Variants in BEND4 observed in about 807,000 individuals in gnomAD.
BEND4 encodes BEN domain containing 4.
Under a neutral mutation model 54.7 loss-of-function variants are expected in BEND4, and 27 were observed. That is an observed-to-expected ratio of 0.49 (90% confidence interval 0.36 to 0.68). BEND4 has a LOEUF of 0.68. Among genes scored for constraint, BEND4 ranks in the 30% least tolerant of loss-of-function variants. BEND4 has a pLI of 0.00. For synonymous variants in BEND4, 327 were observed against 299.5 expected (o/e 1.09, Z -0.95); for missense variants, 702 against 697.2 (o/e 1.01, Z -0.08).
chr4:42,133,159 T>A (rs904529598), intron 3 of BEND4, among the ~76,000 whole-genome samples: 3 of 152,228 alleles, frequency 2.0e-5, no homozygotes, highest in African/African-American at 7.2e-5. Flanking sequence ...TGGTTGTCTA[T>A]GAATTATCCA....
At position 42,121,345 on chromosome 4, in the gene BEND4, C is replaced by T. The variant is rs560864296; in HGVS notation, c.1147-1051G>A. Among the ~76,000 whole-genome samples, 18 of 152,222 alleles carry T rather than the reference C, an allele frequency of 1.2e-4. No homozygotes were observed. In the South Asian group the frequency reaches 3.3e-3, roughly 28 times the overall value. Reference sequence around the variant, plus strand: ...GCTAGGAAACCGGCACGGAGTTCTGCGCGTGGAGACTCATCACGGCAGCAT... The same window carrying T: ...GCTAGGAAACCGGCACGGAGTTCTGTGCGTGGAGACTCATCACGGCAGCAT... On this transcript the variant is annotated intron_variant, in intron 4 of 5. Transcript: ENST00000502486.
intron 2 of BEND4, among the ~76,000 whole-genome samples, chr4:42,149,516 CCTCT>C (rs1400078762): frequency 1.3e-5 from 2 of 152,134 alleles, no homozygotes; most frequent in Non-Finnish European, 2.9e-5. Context: ...CAAGCTTACC[CCTCT>C]CTATGACCTC....
Position 42,143,754 on chromosome 4 carries a change from G to A in BEND4, c.728C>T (p.Ser243Phe), listed in dbSNP as rs933981148. 1 of 1,613,970 alleles carries A rather than the reference G, an allele frequency of 6.2e-7. No homozygotes were observed. The highest frequency in any genetic ancestry group is 8.5e-7 in the Non-Finnish European group (1 of 1,179,852). ...GTCAGTGAAAACCCTCAAAAAGGCA[G>A]AAGTTTGTTGTTTCCTTTGCATATA... ...MQYMQRKQQT[S>F]AFLRVFTDSL... Residue 243 changes from serine to phenylalanine, a missense_variant, in exon 3 of 6, where the codon TCT (serine) becomes TTT (phenylalanine). Coordinates refer to ENST00000502486, the MANE Select transcript of BEND4 (RefSeq NM_207406.4).
rs575289088 is a variant in BEND4 at position 42,151,503 on chromosome 4, G to A, written c.487+154C>T. The stretch of plus-strand genomic sequence containing the variant: ...GGCGGCGCTGGAGAATCCTCTCGAA[G>A]TTTCCGGGTGCGCGGGGAGGCCCCA... On this transcript the variant is annotated intron_variant, in intron 2 of 5. Transcript: ENST00000502486. The A allele has an allele frequency of 5.9e-3, 4,574 of 772,144 alleles. 20 individuals carry two copies. Among genetic ancestry groups the A allele is most frequent in the Non-Finnish European group, 7.6e-3 (4,176 of 551,338 alleles). The allele number at this position is 772,144 out of a possible 1,614,324, so 47.8% of individuals were successfully genotyped here. A position where few individuals can be genotyped will look rare whatever the true frequency, so the allele number is the denominator to read the frequency against.
At chr4:42,131,089 GCAT>G (rs1312118377) in intron 3 of BEND4, among the ~76,000 whole-genome samples, 1 of 152,200 alleles carries the variant, frequency 6.6e-6, no homozygotes, top group Non-Finnish European at 1.5e-5. Context: ...GTGGGTGAGA[GCAT>G]CAGGGAAAAC....
chr4:42,112,380 G>C lies in BEND4; in HGVS notation c.*5138C>G, dbSNP rs1250949385. On this transcript the variant is annotated 3_prime_UTR_variant, in exon 6 of 6. Coordinates refer to ENST00000502486, the MANE Select transcript of BEND4 (RefSeq NM_207406.4). ...TAGTTACTACTGTTGTTGCAGTTAA[G>C]TGGTTCTGAACGGGCCCAAATAGTT... is the stretch of plus-strand genomic sequence containing the variant. 6 of 152,206 alleles carry C rather than the reference G, an allele frequency of 3.9e-5. No individual in the cohort carries two copies. The highest frequency in any genetic ancestry group is 5.9e-5 in the Non-Finnish European group (4 of 68,044). 9.4% of individuals were successfully genotyped at this position (152,206 alleles called of 1,614,324 possible).
At position 42,113,847 on chromosome 4, in the gene BEND4, G is replaced by A. The variant is rs1480141380; in HGVS notation, c.*3671C>T. On this transcript the variant is annotated 3_prime_UTR_variant, in exon 6 of 6. Transcript: ENST00000502486. ...ATATGTCTCGAATCCCCTACAAAAG[G>A]AGATAACAATTTTCTGCAAATGCTC... The A allele has an allele frequency of 6.6e-6, 1 of 152,140 alleles. No individual in the cohort carries two copies. The highest frequency in any genetic ancestry group is 1.5e-5 in the Non-Finnish European group (1 of 68,038). The allele number at this position is 152,140 out of a possible 1,614,324, so 9.4% of individuals were successfully genotyped here.
At chr4:42,128,862 G>A (rs1720400360) in intron 3 of BEND4, among the ~76,000 whole-genome samples, 1 of 152,046 alleles carries the variant, frequency 6.6e-6, no homozygotes, top group South Asian at 2.1e-4. Context: ...CGTGAACTCG[G>A]GAGGCGGAGC....
chr4:42,148,434 T>A (rs1419760272), intron 2 of BEND4, among the ~76,000 whole-genome samples: 1 of 152,224 alleles, frequency 6.6e-6, no homozygotes, highest in African/African-American at 2.4e-5. Context: ...CCCTGAATAT[T>A]TTCTGGACCA....
chr4:42,121,953 C>T (rs1044085793), intron 4 of BEND4, among the ~76,000 whole-genome samples: 3 of 152,098 alleles, frequency 2.0e-5, no homozygotes, highest in Non-Finnish European at 4.4e-5. Flanking sequence ...TCCATTGCTT[C>T]CCAAGCACTG....
intron 5 of BEND4, among the ~76,000 whole-genome samples, chr4:42,118,318 T>G (rs962345267): frequency 2.6e-5 from 4 of 152,238 alleles, no homozygotes; most frequent in Non-Finnish European, 4.4e-5. Flanking sequence ...AAATATTTTT[T>G]ACGTGTTATC....
chr4:42,152,326 C>G lies in BEND4; in HGVS notation c.-183G>C. 1 of 428,448 alleles carries G rather than the reference C, an allele frequency of 2.3e-6. No individual in the cohort carries two copies. Among genetic ancestry groups the G allele is most frequent in the Non-Finnish European group, 3.7e-6 (1 of 267,998 alleles). The allele number at this position is 428,448 out of a possible 1,614,324, so 26.5% of individuals were successfully genotyped here. ...TGAGGCTGGCATCGCCGAGCCCCCGCGCGGGGGGCTGCCGCCCGAGCTCCT... is the reference window on the plus strand; with the variant it reads ...TGAGGCTGGCATCGCCGAGCCCCCGGGCGGGGGGCTGCCGCCCGAGCTCCT... On this transcript the variant is annotated 5_prime_UTR_variant, in exon 2 of 6. Transcript: ENST00000502486.
intron 3 of BEND4, among the ~76,000 whole-genome samples, chr4:42,128,649 A>G (rs1720386540): frequency 1.3e-5 from 2 of 151,936 alleles, no homozygotes; most frequent in Admixed American, 1.3e-4. Flanking sequence ...AAAAAAAAGA[A>G]AGTTCTGGCC....
chr4:42,114,947 G>A lies in BEND4; in HGVS notation c.*2571C>T, dbSNP rs1719738793. 6.6e-6 allele frequency: 1 copy of A among 152,436 alleles called. No homozygotes were observed. The highest frequency in any genetic ancestry group is 1.9e-4 in the East Asian group (1 of 5,186). The allele number at this position is 152,436 out of a possible 1,614,324, so 9.4% of individuals were successfully genotyped here. A position where few individuals can be genotyped will look rare whatever the true frequency, so the allele number is the denominator to read the frequency against. ...AGTGCCTGCGTCAGACGCTAGGCTT[G>A]GCTAAAGGAACCCAGCAGATACACA... is the stretch of plus-strand genomic sequence containing the variant. On this transcript the variant is annotated 3_prime_UTR_variant, in exon 6 of 6. Transcript: ENST00000502486.
intron 5 of BEND4, among the ~76,000 whole-genome samples, chr4:42,119,633 G>C (rs995934607): frequency 9.2e-5 from 14 of 152,062 alleles, no homozygotes; most frequent in Admixed American, 8.5e-4. Flanking sequence ...CAAATTTAAG[G>C]AGTTGGGCCA....
intron 3 of BEND4, 64 bp from the exon 4 acceptor site, chr4:42,125,738 T>A: frequency 8.7e-7 from 1 of 1,152,134 alleles, no homozygotes; most frequent in Non-Finnish European, 1.2e-6. Flanking sequence ...TAAATAAATT[T>A]TTTAAAGTTT....
chr4:42,150,516 C>T (rs796312031), intron 2 of BEND4, among the ~76,000 whole-genome samples: 14 of 152,362 alleles, frequency 9.2e-5, no homozygotes, highest in African/African-American at 3.4e-4. Context: ...AGACACAACA[C>T]TTCTATTTTC....
At chr4:42,123,839 G>A (rs1720166294) in intron 4 of BEND4, among the ~76,000 whole-genome samples, 1 of 152,142 alleles carries the variant, frequency 6.6e-6, no homozygotes, top group Admixed American at 6.5e-5. Context: ...TAGGAAGTAA[G>A]GGGGTCAGTG....
At chr4:42,119,100 A>G (rs781417901) in intron 5 of BEND4, among the ~76,000 whole-genome samples, 1 of 152,140 alleles carries the variant, frequency 6.6e-6, no homozygotes, top group Non-Finnish European at 1.5e-5. Flanking sequence ...CAAAAACTAC[A>G]TATGCATCCT....
Sources: gnomAD v4.1 joint callset for allele counts (sites outside exome capture counted in the v4.1 genomes callset) on GRCh38, gnomAD v4.1.1 for gene constraint, MANE v1.5 for transcripts, NCBI Gene and HGNC (gene_info 2026-07-23, HGNC 2026-07-21) for gene names.